Variants in ONECUT3 observed in about 807,000 individuals in gnomAD.
The protein encoded by ONECUT3 is one cut domain family member 3.
Under a neutral mutation model 16.8 loss-of-function variants are expected in ONECUT3, and 11 were observed. That is an observed-to-expected ratio of 0.66 (90% CI 0.41 to 1.09). The LOEUF is 1.09. Among genes scored for constraint, ONECUT3 ranks in the 50% least tolerant of loss-of-function variants. The probability of loss-of-function intolerance (pLI) is 0.00; values close to 1 mark genes in which losing one functional copy is unlikely to be tolerated. For synonymous variants in ONECUT3, 344 were observed against 310.7 expected, an observed-to-expected ratio of 1.11 and a Z score of -1.13; for missense variants, 637 against 629.9, an observed-to-expected ratio of 1.01 and a Z score of -0.12.
intron 1 of ONECUT3, among the ~76,000 whole-genome samples, chr19:1,760,593 ATGT>A (rs2067941441): frequency 6.6e-6 from 1 of 150,570 alleles, no homozygotes; most frequent in South Asian, 2.1e-4. Context: ...AAGTATGATG[ATGT>A]TGTGGGCATG....
rs201101328 is a variant in ONECUT3 at position 1,763,366 on chromosome 19, CAAAAAAAAAA to C, written c.1192+8533_1192+8542del. 1.8e-3 allele frequency among the ~76,000 whole-genome samples: 67 copies of C among 36,792 alleles called. 1 individual carries two copies. Among genetic ancestry groups the C allele is most frequent in the African/African-American group, 4.6e-4 (7 of 15,072 alleles). The allele number at this position is 36,792 out of a possible 152,430, so 24.1% of individuals were successfully genotyped here. On this transcript the variant is annotated intron_variant, in intron 1 of 1. Coordinates refer to ENST00000382349, the MANE Select transcript of ONECUT3 (RefSeq NM_001080488.2). The stretch of plus-strand genomic sequence containing the variant: ...TGGGTGACAGAGTGAGACTCCATCT[CAAAAAAAAAA>C]AAAAAAAAAAAAAAAAAAAATTAGC...
At chr19:1,774,615 GAGA>G (rs2068087520) in intron 1 of ONECUT3, among the ~76,000 whole-genome samples, 1 of 151,952 alleles carries the variant, frequency 6.6e-6, no homozygotes, top group Non-Finnish European at 1.5e-5. Flanking sequence ...CTGCAGAAAG[GAGA>G]GGAGAAAGTT....
chr19:1,775,974 C>T lies in ONECUT3; in HGVS notation c.*529C>T, dbSNP rs1037894254. The T allele has an allele frequency of 1.4e-5, 2 of 139,258 alleles. No individual in the cohort carries two copies. The highest frequency in any genetic ancestry group is 5.3e-5 in the African/African-American group (2 of 38,010). 8.6% of individuals were successfully genotyped at this position (139,258 alleles called of 1,614,324 possible). ...CAGCCCTTTCCAAAGTCGCCAAAAA[C>T]CCACATCAAGCCGGATCCTTACGGT... On this transcript the variant is annotated 3_prime_UTR_variant, in exon 2 of 2. Coordinates refer to ENST00000382349, the MANE Select transcript of ONECUT3 (RefSeq NM_001080488.2).
chr19:1,775,126 G>A (rs545790161), intron 1 of ONECUT3, 27 bp from the exon 2 acceptor site: 1 of 1,143,900 alleles, frequency 8.7e-7, no homozygotes, highest in South Asian at 1.7e-5. Flanking sequence ...TGTCCCGCTC[G>A]CCCGCCCGCC....
At position 1,776,397 on chromosome 19, in the gene ONECUT3, C is replaced by A. The variant is rs1478829337; in HGVS notation, c.*952C>A. 1 of 152,226 alleles carries A rather than the reference C, an allele frequency of 6.6e-6. No individual in the cohort carries two copies. The highest frequency in any genetic ancestry group is 2.4e-5 in the African/African-American group (1 of 41,450). The allele number at this position is 152,226 out of a possible 1,614,324, so 9.4% of individuals were successfully genotyped here. ...GCCCGGAGGAGCCCCTCTGCACGGGCCCGTGGAGACGCTTCCTGCGTGGAA... is the reference window on the plus strand; with the variant it reads ...GCCCGGAGGAGCCCCTCTGCACGGGACCGTGGAGACGCTTCCTGCGTGGAA... On this transcript the variant is annotated 3_prime_UTR_variant, in exon 2 of 2. Transcript: ENST00000382349. This position sits in a 1 kb window ranked among gnomAD's most constrained non-coding sequence, Gnocchi z 4.9.
intron 1 of ONECUT3, 27 bp from the exon 2 acceptor site, chr19:1,775,126 G>GGGGCCC: frequency 8.7e-7 from 1 of 1,143,890 alleles, no homozygotes; most frequent in Non-Finnish European, 1.2e-6. Context: ...TGTCCCGCTC[G>GGGGCCC]CCCGCCCGCC....
rs933946410 is a variant in ONECUT3 at position 1,764,314 on chromosome 19, G to T, written c.1192+9460G>T. On this transcript the variant is annotated intron_variant, in intron 1 of 1. Transcript: ENST00000382349. This position sits in a 1 kb window ranked among gnomAD's most constrained non-coding sequence, Gnocchi z 5.0. The stretch of plus-strand genomic sequence containing the variant: ...CCCAGCCTCCAGATGGAGCCACGAG[G>T]GAGGGACAGCCCGAGAGTCCAAGTG... 6.6e-6 allele frequency among the ~76,000 whole-genome samples: 1 copy of T among 152,210 alleles called. No homozygotes were observed. The highest frequency in any genetic ancestry group is 6.5e-5 in the Admixed American group (1 of 15,282).
At chr19:1,756,327 A>C (rs2145956149) in intron 1 of ONECUT3, among the ~76,000 whole-genome samples, 2 of 152,308 alleles carry the variant, frequency 1.3e-5, no homozygotes, top group Admixed American at 6.5e-5. Flanking sequence ...CGGGAAAATA[A>C]ATAGTCTTTC....
At position 1,754,855 on chromosome 19, in the gene ONECUT3, G is replaced by GT; in HGVS notation, c.1192+2dup. ...CGCATGTCGGCGCTGCGCTTGGCAG[G>GT]TAGGAGCGTGGCGCGCAGGGCCAGA... On this transcript the variant is annotated splice_donor_variant, in intron 1 of 1. Transcript: ENST00000382349. LOFTEE classifies it high-confidence loss of function. This position sits in a 1 kb window ranked among gnomAD's most constrained non-coding sequence, Gnocchi z 7.4. 1.4e-6 allele frequency: 2 copies of GT among 1,470,746 alleles called. No individual in the cohort carries two copies. The highest frequency in any genetic ancestry group is 1.8e-6 in the Non-Finnish European group (2 of 1,104,078). The allele number at this position is 1,470,746 out of a possible 1,614,324, so 91.1% of individuals were successfully genotyped here.
rs552688522 is a variant in ONECUT3 at position 1,766,150 on chromosome 19, C to G, written c.1193-9003C>G. Among the ~76,000 whole-genome samples, 1 of 152,370 alleles carries G rather than the reference C, an allele frequency of 6.6e-6. No homozygotes were observed. Among genetic ancestry groups the G allele is most frequent in the African/African-American group, 2.4e-5 (1 of 41,592 alleles). On this transcript the variant is annotated intron_variant, in intron 1 of 1. Transcript: ENST00000382349. The surrounding 1 kb of genome is among the most constrained non-coding windows in gnomAD (Gnocchi z 4.0). ...GGTTTGGATGTGCAAGGCTGCCGAC[C>G]CCCATCGTGGTTGAGCGCCCGTGCA...
intron 1 of ONECUT3, among the ~76,000 whole-genome samples, chr19:1,769,647 G>A (rs2068035345): frequency 6.6e-6 from 1 of 151,876 alleles, no homozygotes; most frequent in Admixed American, 6.6e-5. Context: ...GATGGGTAGG[G>A]GATGCACAGA....
chr19:1,778,866 TCACACACACA>T lies in ONECUT3; in HGVS notation c.*3459_*3468del, dbSNP rs60843841. On this transcript the variant is annotated 3_prime_UTR_variant, in exon 2 of 2. Coordinates refer to ENST00000382349, the MANE Select transcript of ONECUT3 (RefSeq NM_001080488.2). ...TGGATCCTTTTCAGATATCTTCGTA[TCACACACACA>T]CACACACACACACACACACACACAC... 2.6e-3 allele frequency: 345 copies of T among 132,446 alleles called. 1 individual carries two copies. Among genetic ancestry groups the T allele is most frequent in the African/African-American group, 6.9e-3 (235 of 33,948 alleles). 8.2% of individuals were successfully genotyped at this position (132,446 alleles called of 1,614,324 possible). A position where few individuals can be genotyped will look rare whatever the true frequency, so the allele number is the denominator to read the frequency against.
chr19:1,772,686 C>CTTTTTTTT lies in ONECUT3; in HGVS notation c.1193-2450_1193-2443dup, dbSNP rs201848533. Among the ~76,000 whole-genome samples, 96 of 64,028 alleles carry CTTTTTTTT rather than the reference C, an allele frequency of 1.5e-3. 2 individuals are homozygous for CTTTTTTTT. Among genetic ancestry groups the CTTTTTTTT allele is most frequent in the South Asian group, 2.3e-3 (4 of 1,740 alleles). 42.0% of individuals were successfully genotyped at this position (64,028 alleles called of 152,430 possible). On this transcript the variant is annotated intron_variant, in intron 1 of 1. Coordinates refer to ENST00000382349, the MANE Select transcript of ONECUT3 (RefSeq NM_001080488.2). Reference sequence around the variant, plus strand: ...CATTTTCTGGGATATCTGCTTTACTCTTTTTTTTTTTTTTTTTTTTTTTTG... The same window carrying CTTTTTTTT: ...CATTTTCTGGGATATCTGCTTTACTCTTTTTTTTTTTTTTTTTTTTTTTTTTTTTTTTG...
At chr19:1,773,813 A>G (rs539110049) in intron 1 of ONECUT3, among the ~76,000 whole-genome samples, 107 of 152,010 alleles carry the variant, frequency 7.0e-4, no homozygotes, top group African/African-American at 2.1e-3. Flanking sequence ...CCCAGCTCCT[A>G]GTGGGGGAAG....
chr19:1,758,526 G>A lies in ONECUT3; in HGVS notation c.1192+3672G>A, dbSNP rs1158345201. ...GTCCCGGCCCCACTGCCCGTTCTGC[G>A]TGCCTCAGTTTACCCATCTGTAAAA... On this transcript the variant is annotated intron_variant, in intron 1 of 1. Coordinates refer to ENST00000382349, the MANE Select transcript of ONECUT3 (RefSeq NM_001080488.2). This position sits in a 1 kb window ranked among gnomAD's most constrained non-coding sequence, Gnocchi z 5.9. Among the ~76,000 whole-genome samples the A allele has an allele frequency of 6.6e-6, 1 of 152,162 alleles. No homozygotes were observed. Among genetic ancestry groups the A allele is most frequent in the Non-Finnish European group, 1.5e-5 (1 of 68,030 alleles).
rs554598869 is a variant in ONECUT3, at chr19:1,758,787, T to C, written c.1192+3933T>C. Among the ~76,000 whole-genome samples the C allele has an allele frequency of 2.0e-5, 3 of 151,346 alleles. No individual in the cohort carries two copies. The South Asian group carries it at 6.3e-4, about 32-fold the overall frequency. Reference sequence around the variant, plus strand: ...GCTGGGGGAGGGGCGGGCGGGCTCCTCGGCGGGGGTGGGGGCGGTCGATGA... The same window carrying C: ...GCTGGGGGAGGGGCGGGCGGGCTCCCCGGCGGGGGTGGGGGCGGTCGATGA... On this transcript the variant is annotated intron_variant, in intron 1 of 1. Transcript: ENST00000382349. The surrounding 1 kb of genome is among the most constrained non-coding windows in gnomAD (Gnocchi z 5.9).
chr19:1,775,339 ACTT>A lies in ONECUT3; in HGVS notation c.1384_1386del (p.Phe462del), dbSNP rs771927075. ...GGCTTGGAGCTCAACACCGTCAGCAACTTCTTCATGAACGCGCGGCGCCGCTGC... is the reference window on the plus strand; with the variant it reads ...GGCTTGGAGCTCAACACCGTCAGCAACTTCATGAACGCGCGGCGCCGCTGC... On this transcript the variant is annotated inframe_deletion, in exon 2 of 2. Coordinates refer to ENST00000382349, the MANE Select transcript of ONECUT3 (RefSeq NM_001080488.2). 32 of 1,577,322 alleles carry A rather than the reference ACTT, an allele frequency of 2.0e-5. No individual in the cohort carries two copies. Among genetic ancestry groups the A allele is most frequent in the Admixed American group, 3.5e-5 (2 of 57,008 alleles).
intron 1 of ONECUT3, among the ~76,000 whole-genome samples, chr19:1,756,168 G>A (rs963771692): frequency 6.6e-6 from 1 of 152,096 alleles, no homozygotes; most frequent in African/African-American, 2.4e-5. Context: ...TCCCTAGAAA[G>A]CCATTCCCTC....
chr19:1,764,997 C>T lies in ONECUT3; in HGVS notation c.1192+10143C>T, dbSNP rs2067972948. On this transcript the variant is annotated intron_variant, in intron 1 of 1. Transcript: ENST00000382349. This position sits in a 1 kb window ranked among gnomAD's most constrained non-coding sequence, Gnocchi z 5.0. ...CAGAGGTGGCTGAGGGAGGGGATCT[C>T]CAGCTCCAGGACACAGGGAGGACGG... Among the ~76,000 whole-genome samples, 1 of 152,090 alleles carries T rather than the reference C, an allele frequency of 6.6e-6. No homozygotes were observed.
Sources: allele counts gnomAD v4.1 joint callset (sites outside exome capture counted in the v4.1 genomes callset), GRCh38; gene constraint gnomAD v4.1.1; non-coding constraint Gnocchi (gnomAD v3.1); transcripts MANE v1.5; gene names NCBI Gene and HGNC (gene_info 2026-07-23, HGNC 2026-07-21).